Variants in TRPC4 observed in about 807,000 individuals in gnomAD.
The protein encoded by TRPC4 is transient receptor potential cation channel subfamily C member 4, also known as short transient receptor potential channel 4.
TRPC4 carries 49 observed loss-of-function variants against 99.4 expected under a neutral mutation model. That is an observed-to-expected ratio of 0.49 (90% CI 0.39 to 0.63). TRPC4 has a LOEUF of 0.63. TRPC4 is among the 20% of genes least tolerant of loss of function. The pLI is 0.00. For synonymous variants in TRPC4, 454 were observed against 425.9 expected, an observed-to-expected ratio of 1.07 and a Z score of -0.81; for missense variants, 898 against 1,152.9, an observed-to-expected ratio of 0.78 and a Z score of 3.20.
chr13:37,676,443 G>T (rs1340091137), intron 4 of TRPC4, among the ~76,000 whole-genome samples: 1 of 149,914 alleles, frequency 6.7e-6, no homozygotes, highest in Non-Finnish European at 1.5e-5. Flanking sequence ...CGCAATCTCC[G>T]CCCACTACAA....
chr13:37,855,237 GAT>G (rs1191259005), intron 1 of TRPC4, among the ~76,000 whole-genome samples: 1 of 150,450 alleles, frequency 6.6e-6, no homozygotes, highest in Non-Finnish European at 1.5e-5. Flanking sequence ...TGTAAGAAGA[GAT>G]AAAGAAGGTC....
intron 1 of TRPC4, among the ~76,000 whole-genome samples, chr13:37,868,213 A>T (rs1250539687): frequency 1.3e-5 from 2 of 152,202 alleles, no homozygotes; most frequent in Admixed American, 1.3e-4. Flanking sequence ...TTTAAAGGTT[A>T]TAAGTAATGA....
chr13:37,676,779 A>G (rs1211015600), intron 4 of TRPC4, among the ~76,000 whole-genome samples: 2 of 151,824 alleles, frequency 1.3e-5, no homozygotes, highest in African/African-American at 2.4e-5. Context: ...TTTTTCTTCA[A>G]TCAAAATCTG....
chr13:37,848,045 T>C (rs1958952551), intron 1 of TRPC4, among the ~76,000 whole-genome samples: 1 of 152,196 alleles, frequency 6.6e-6, no homozygotes, highest in Non-Finnish European at 1.5e-5. Flanking sequence ...GTTCAAGTTA[T>C]GATTTTTCAA....
chr13:37,741,922 C>T (rs770874183), intron 3 of TRPC4, among the ~76,000 whole-genome samples: 1 of 107,542 alleles, frequency 9.3e-6, no homozygotes, highest in Non-Finnish European at 1.9e-5. Context: ...TCTGTGACTC[C>T]GATTTTTTCA....
intron 2 of TRPC4, among the ~76,000 whole-genome samples, chr13:37,762,780 A>T (rs1000830646): frequency 5.4e-5 from 8 of 148,378 alleles, no homozygotes; most frequent in African/African-American, 1.7e-4. Flanking sequence ...TGATGAGTTA[A>T]TGGGTGCAGC....
At chr13:37,655,624 G>A (rs1023596286) in intron 6 of TRPC4, among the ~76,000 whole-genome samples, 1 of 151,810 alleles carries the variant, frequency 6.6e-6, no homozygotes, top group Non-Finnish European at 1.5e-5. Context: ...AAAATCAAAA[G>A]AGTGATATTT....
chr13:37,855,997 C>A (rs1201044764), intron 1 of TRPC4, among the ~76,000 whole-genome samples: 1 of 151,074 alleles, frequency 6.6e-6, no homozygotes, highest in Non-Finnish European at 1.5e-5. Flanking sequence ...GCAAGCTAAA[C>A]CCAAAATTAG....
At chr13:37,672,037 G>A (rs1169687297) in intron 5 of TRPC4, among the ~76,000 whole-genome samples, 1 of 152,144 alleles carries the variant, frequency 6.6e-6, no homozygotes, top group Non-Finnish European at 1.5e-5. Flanking sequence ...TGGGGTGAGT[G>A]AGTTTAATTC....
At chr13:37,731,405 A>G (rs1287218752) in intron 3 of TRPC4, among the ~76,000 whole-genome samples, 1 of 151,958 alleles carries the variant, frequency 6.6e-6, no homozygotes, top group African/African-American at 2.4e-5. Flanking sequence ...GAAAATTAAA[A>G]CTCTTCCTCT....
chr13:37,720,522 T>G (rs980705879), intron 3 of TRPC4, among the ~76,000 whole-genome samples: 1 of 152,162 alleles, frequency 6.6e-6, no homozygotes, highest in Non-Finnish European at 1.5e-5. Context: ...TCTGTGTTTC[T>G]GGTGTTCTGA....
At chr13:37,822,368 G>A (rs1179350621) in intron 1 of TRPC4, among the ~76,000 whole-genome samples, 2 of 151,858 alleles carry the variant, frequency 1.3e-5, no homozygotes, top group Non-Finnish European at 2.9e-5. Flanking sequence ...CTGGTGCGCT[G>A]CACCCACTAA....
At chr13:37,852,645 A>T (rs140820615) in intron 1 of TRPC4, among the ~76,000 whole-genome samples, 1 of 152,172 alleles carries the variant, frequency 6.6e-6, no homozygotes, top group Non-Finnish European at 1.5e-5. Flanking sequence ...AGTGGGGCAG[A>T]GCAATAAGCA....
chr13:37,664,638 A>T (rs958449198), intron 5 of TRPC4, among the ~76,000 whole-genome samples: 3 of 152,220 alleles, frequency 2.0e-5, no homozygotes, highest in African/African-American at 7.2e-5. Context: ...CTGTAATTAA[A>T]TCTGTATTAG....
chr13:37,816,851 C>A (rs894891833), intron 1 of TRPC4, among the ~76,000 whole-genome samples: 1 of 151,848 alleles, frequency 6.6e-6, no homozygotes, highest in Admixed American at 6.6e-5. Flanking sequence ...GCTCAATAAA[C>A]TAGATATTGA....
intron 1 of TRPC4, among the ~76,000 whole-genome samples, chr13:37,804,237 C>T (rs1411290222): frequency 6.6e-6 from 1 of 152,072 alleles, no homozygotes; most frequent in Non-Finnish European, 1.5e-5. Context: ...TGTTCTTCGT[C>T]TATGTTATCT....
chr13:37,673,966 T>A (rs181678771), intron 5 of TRPC4, among the ~76,000 whole-genome samples: 1 of 152,252 alleles, frequency 6.6e-6, no homozygotes, highest in South Asian at 2.1e-4. Context: ...TTACTGTGAA[T>A]AGTTTTGAGA....
chr13:37,663,849 C>T lies in TRPC4; in HGVS notation c.1375-120G>A, dbSNP rs1056410675. ...ACAAAATAATTGATGACTTTGTTTT[C>T]GATTTTTGAACACACTTGCCAATTC... On this transcript the variant is annotated intron_variant, in intron 5 of 10. Coordinates refer to ENST00000379705, the MANE Select transcript of TRPC4 (RefSeq NM_016179.4). 7 of 940,756 alleles carry T rather than the reference C, an allele frequency of 7.4e-6. 1 individual carries two copies. Among genetic ancestry groups the T allele is most frequent in the Non-Finnish European group, 7.8e-6 (5 of 642,994 alleles). 58.3% of individuals were successfully genotyped at this position (940,756 alleles called of 1,614,324 possible).
intron 5 of TRPC4, among the ~76,000 whole-genome samples, chr13:37,669,842 A>G (rs918007727): frequency 3.9e-5 from 6 of 152,158 alleles, no homozygotes; most frequent in African/African-American, 1.2e-4. Context: ...TGCATTTTAA[A>G]TAAAGATCTT....
Sources: allele counts gnomAD v4.1 joint callset (sites outside exome capture counted in the v4.1 genomes callset), GRCh38; gene constraint gnomAD v4.1.1; transcripts MANE v1.5; gene names NCBI Gene and HGNC (gene_info 2026-07-23, HGNC 2026-07-21).